SYT1: variants seen among roughly 807,000 people sequenced by gnomAD.
SYT1 encodes the protein synaptotagmin 1.
Under a neutral mutation model 44.8 loss-of-function variants are expected in SYT1, and 8 were observed. That is an observed-to-expected ratio of 0.18 (90% confidence interval 0.10 to 0.32). SYT1 has a LOEUF of 0.32. SYT1 is among the 10% of genes least tolerant of loss of function. The pLI, the probability that SYT1 is intolerant of heterozygous loss-of-function variation, is 1.00. For synonymous variants in SYT1, 154 were observed against 188.8 expected (o/e 0.82, Z 1.51); for missense variants, 286 against 509.3 (o/e 0.56, Z 4.22).
intron 9 of SYT1, among the ~76,000 whole-genome samples, chr12:79,441,895 A>C (rs184238971): frequency 6.2e-4 from 95 of 152,288 alleles, no homozygotes; most frequent in African/African-American, 2.1e-3. Context: ...TCTTGGCTAA[A>C]ATGTTGCCTT....
chr12:79,031,959 C>A (rs1051113669), intron 2 of SYT1, among the ~76,000 whole-genome samples: 18 of 150,966 alleles, frequency 1.2e-4, no homozygotes, highest in Non-Finnish European at 4.5e-5. Flanking sequence ...AAATAAATAT[C>A]ATGGGAGATA....
chr12:79,206,389 G>A (rs964802271), intron 3 of SYT1, among the ~76,000 whole-genome samples: 1 of 152,150 alleles, frequency 6.6e-6, no homozygotes, highest in African/African-American at 2.4e-5. Context: ...ACCTTTGAGT[G>A]ATTTGTTGAC....
At chr12:79,174,304 T>C (rs1350489009) in intron 3 of SYT1, among the ~76,000 whole-genome samples, 2 of 152,000 alleles carry the variant, frequency 1.3e-5, no homozygotes, top group Non-Finnish European at 2.9e-5. Flanking sequence ...AAGAATTAAA[T>C]AGCATAAATA....
chr12:79,390,225 G>A (rs917032742), intron 9 of SYT1, among the ~76,000 whole-genome samples: 20 of 152,176 alleles, frequency 1.3e-4, no homozygotes, highest in South Asian at 4.1e-4. Flanking sequence ...GAACCACCGC[G>A]CCCGGCCTCC....
intron 4 of SYT1, among the ~76,000 whole-genome samples, chr12:79,266,625 G>T (rs763976640): frequency 6.6e-6 from 1 of 152,158 alleles, no homozygotes; most frequent in African/African-American, 2.4e-5. Flanking sequence ...CCCTTCAGAC[G>T]CAAGAACAGA....
At chr12:79,001,260 T>A (rs1405082966) in intron 2 of SYT1, among the ~76,000 whole-genome samples, 43 of 145,076 alleles carry the variant, frequency 3.0e-4, no homozygotes, top group Admixed American at 9.6e-4. Context: ...TCATTTCTTT[T>A]AAAAAAAAAA....
At chr12:79,447,275 A>T (rs558968372) in intron 10 of SYT1, among the ~76,000 whole-genome samples, 256 of 152,078 alleles carry the variant, frequency 1.7e-3, no homozygotes, top group African/African-American at 5.9e-3. Context: ...AGAAAAAAAT[A>T]ATTGAGTATT....
At chr12:79,076,319 G>A (rs1028527031) in intron 3 of SYT1, among the ~76,000 whole-genome samples, 2 of 152,030 alleles carry the variant, frequency 1.3e-5, no homozygotes, top group Non-Finnish European at 2.9e-5. Flanking sequence ...TCAAAGGAAG[G>A]TGACCGTGAC....
At position 79,191,415 on chromosome 12, in the gene SYT1, T is replaced by C. The variant is rs139444895; in HGVS notation, c.-17-26088T>C. On this transcript the variant is annotated intron_variant, in intron 3 of 10. Coordinates refer to ENST00000261205, the MANE Select transcript of SYT1 (RefSeq NM_005639.3). ...CAAAGACATTCACATGAAATTTTTT[T>C]AGTGAAGTAGCAGATCCAAGTACAT... 5.5e-3 allele frequency among the ~76,000 whole-genome samples: 841 copies of C among 152,284 alleles called. 7 individuals are homozygous for C. Among genetic ancestry groups the C allele is most frequent in the African/African-American group, 0.019 (796 of 41,578 alleles).
At chr12:78,993,665 A>T (rs886929415) in intron 2 of SYT1, among the ~76,000 whole-genome samples, 5 of 152,232 alleles carry the variant, frequency 3.3e-5, no homozygotes, top group African/African-American at 1.2e-4. Context: ...AAAATTTTTA[A>T]AAGTATTTAC....
At chr12:79,402,817 C>T (rs181770017) in intron 9 of SYT1, among the ~76,000 whole-genome samples, 1 of 152,312 alleles carries the variant, frequency 6.6e-6, no homozygotes, top group Admixed American at 6.5e-5. Context: ...CAAGGAAACT[C>T]CATGTGACTC....
intron 9 of SYT1, among the ~76,000 whole-genome samples, chr12:79,411,037 T>C (rs765987203): frequency 1.3e-5 from 2 of 152,176 alleles, no homozygotes; most frequent in Non-Finnish European, 2.9e-5. Flanking sequence ...CCGAGATTGG[T>C]TGAAGAATAA....
chr12:78,971,738 T>C (rs1266814946), intron 1 of SYT1, among the ~76,000 whole-genome samples: 1 of 152,174 alleles, frequency 6.6e-6, no homozygotes, highest in Non-Finnish European at 1.5e-5. Flanking sequence ...ACTTGGACTA[T>C]ATATTATAGC....
intron 9 of SYT1, among the ~76,000 whole-genome samples, chr12:79,380,858 T>C (rs1884190057): frequency 6.6e-6 from 1 of 152,210 alleles, no homozygotes; most frequent in Non-Finnish European, 1.5e-5. Context: ...AGGAGTTTCC[T>C]GGGGTTCCTT....
chr12:79,315,765 A>G (rs1325325648), intron 8 of SYT1, among the ~76,000 whole-genome samples: 1 of 152,184 alleles, frequency 6.6e-6, no homozygotes, highest in Non-Finnish European at 1.5e-5. Context: ...TTTAGAGATG[A>G]GGAACCCAGG....
chr12:79,381,064 G>A (rs1030064358), intron 9 of SYT1, among the ~76,000 whole-genome samples: 1 of 152,152 alleles, frequency 6.6e-6, no homozygotes, highest in African/African-American at 2.4e-5. Flanking sequence ...AGGGCTTAGA[G>A]ACTCTGAAAT....
intron 2 of SYT1, among the ~76,000 whole-genome samples, chr12:78,979,090 T>C (rs149821095): frequency 1.3e-5 from 2 of 152,158 alleles, no homozygotes; most frequent in East Asian, 3.8e-4. Context: ...ATTATTTCTT[T>C]ACATGGATTT....
intron 1 of SYT1, among the ~76,000 whole-genome samples, chr12:78,924,260 G>A (rs1253189699): frequency 6.6e-6 from 1 of 151,890 alleles, no homozygotes; most frequent in Non-Finnish European, 1.5e-5. Flanking sequence ...CTGTCTATCA[G>A]AATGGTGTTT....
At chr12:79,327,375 G>T (rs1229118808) in intron 8 of SYT1, among the ~76,000 whole-genome samples, 1 of 152,140 alleles carries the variant, frequency 6.6e-6, no homozygotes, top group Non-Finnish European at 1.5e-5. Flanking sequence ...GGAATTCCCT[G>T]AAAGCTATAG....
Sources: allele counts gnomAD v4.1 joint callset (sites outside exome capture counted in the v4.1 genomes callset), GRCh38; gene constraint gnomAD v4.1.1; transcripts MANE v1.5; gene names NCBI Gene and HGNC (gene_info 2026-07-23, HGNC 2026-07-21).